SEMA4D: variants seen among roughly 807,000 people sequenced by gnomAD.
The protein encoded by SEMA4D is semaphorin-4D.
A neutral mutation model predicts 74.8 loss-of-function variants in SEMA4D; 22 were observed. The ratio of observed to expected loss-of-function variants is 0.29; its 90% confidence interval spans 0.21 to 0.42. The LOEUF is 0.42. SEMA4D is among the 10% of genes least tolerant of loss of function. The probability of loss-of-function intolerance (pLI) is 1.00; values close to 1 mark genes in which losing one functional copy is unlikely to be tolerated. For missense variants in SEMA4D, 937 were observed against 1,118.4 expected, an observed-to-expected ratio of 0.84 and a Z score of 2.31; for synonymous variants, 445 against 463.7, an observed-to-expected ratio of 0.96 and a Z score of 0.52.
intron 2 of SEMA4D, among the ~76,000 whole-genome samples, chr9:89,447,655 G>T (rs541241103): frequency 6.6e-6 from 1 of 152,222 alleles, no homozygotes; most frequent in Non-Finnish European, 1.5e-5. Context: ...GCCTAACCGG[G>T]TGCCCGACAC....
intron 2 of SEMA4D, among the ~76,000 whole-genome samples, chr9:89,447,693 G>T (rs575818013): frequency 7.2e-5 from 11 of 151,886 alleles, no homozygotes; most frequent in Non-Finnish European, 1.3e-4. Context: ...TTCCCCAGAA[G>T]CCAGGGGTCT....
At chr9:89,425,669 G>A (rs1037358482) in intron 2 of SEMA4D, among the ~76,000 whole-genome samples, 3 of 152,208 alleles carry the variant, frequency 2.0e-5, no homozygotes, top group African/African-American at 7.2e-5. Context: ...CTGACCCTGT[G>A]GCCCCACTGG....
chr9:89,466,375 A>G (rs1238562855), intron 1 of SEMA4D, among the ~76,000 whole-genome samples: 1 of 152,144 alleles, frequency 6.6e-6, no homozygotes, highest in African/African-American at 2.4e-5. Flanking sequence ...CTAAGAATCC[A>G]CAACCTTAGA....
At chr9:89,480,623 TG>T (rs530251156) in intron 1 of SEMA4D, among the ~76,000 whole-genome samples, 7 of 152,210 alleles carry the variant, frequency 4.6e-5, no homozygotes, top group Non-Finnish European at 7.3e-5. Flanking sequence ...CCAGCACTGC[TG>T]GGGGACTCAG....
chr9:89,371,974 G>T (rs200675130), intron 16 of SEMA4D, among the ~76,000 whole-genome samples: 194 of 5,912 alleles, frequency 0.033, no homozygotes, highest in South Asian at 0.051. Context: ...GTGGGGTGTG[G>T]TGTGTGTCTG....
At chr9:89,457,270 CTG>C (rs1856172206) in intron 1 of SEMA4D, among the ~76,000 whole-genome samples, 1 of 152,212 alleles carries the variant, frequency 6.6e-6, no homozygotes, top group African/African-American at 2.4e-5. Context: ...GTGCACCTGA[CTG>C]TGACGCTCGG....
In SEMA4D at chr9:89,453,830, C is replaced by T. The variant is rs575263706; in HGVS notation, c.-244+2058G>A. Among the ~76,000 whole-genome samples, 9 of 151,396 alleles carry T rather than the reference C, an allele frequency of 5.9e-5. 1 individual carries two copies. In the South Asian group the frequency reaches 1.7e-3, roughly 28 times the overall value. Reference sequence around the variant, plus strand: ...CCCTTAAAAGTTATTTTTGCTTCTACTTCAACCCAAGTTGTAGAATATATG... The same window carrying T: ...CCCTTAAAAGTTATTTTTGCTTCTATTTCAACCCAAGTTGTAGAATATATG... On this transcript the variant is annotated intron_variant, in intron 2 of 15. Transcript: ENST00000422704.
chr9:89,378,384 C>G lies in SEMA4D; in HGVS notation c.*320G>C. 3.6e-6 allele frequency: 1 copy of G among 275,020 alleles called. No homozygotes were observed. Among genetic ancestry groups the G allele is most frequent in the South Asian group, 6.8e-5 (1 of 14,776 alleles). 17.0% of individuals were successfully genotyped at this position (275,020 alleles called of 1,614,324 possible). On this transcript the variant is annotated 3_prime_UTR_variant, in exon 16 of 16. Transcript: ENST00000422704. ...CTGAAGGGATGCTCTTCTCAGCCAA[C>G]AGAGGTCCAGCCACCTTTCCCCCAC...
chr9:89,452,189 T>TTG (rs1854732541), intron 2 of SEMA4D, among the ~76,000 whole-genome samples: 1 of 149,656 alleles, frequency 6.7e-6, no homozygotes, highest in Non-Finnish European at 1.5e-5. Flanking sequence ...TTTGTTTTTT[T>TTG]TTTTTTTGAG....
At chr9:89,419,001 C>T (rs1370716504) in intron 2 of SEMA4D, among the ~76,000 whole-genome samples, 2 of 149,576 alleles carry the variant, frequency 1.3e-5, no homozygotes, top group African/African-American at 2.5e-5. Context: ...CCCACCCAGG[C>T]CCCTCACTGG....
downstream of SEMA4D, chr9:89,376,584 ATATC>A: frequency 2.2e-6 from 1 of 464,162 alleles, no homozygotes; most frequent in Non-Finnish European, 3.8e-6. Context: ...CAAGGCCTAA[ATATC>A]TAGCCCTTTA....
intron 1 of SEMA4D, 73 bp from the exon 2 acceptor site, chr9:89,456,026 C>T (rs920773208): frequency 2.0e-5 from 3 of 152,320 alleles, no homozygotes; most frequent in Non-Finnish European, 4.4e-5. Context: ...TACATACACA[C>T]AATTCCATAC....
chr9:89,376,614 G>A (rs866319123), downstream of SEMA4D: 15 of 585,508 alleles, frequency 2.6e-5, no homozygotes, highest in South Asian at 4.7e-4. Context: ...AACACTGGTT[G>A]ACCCCTGTAC....
chr9:89,400,769 CG>C (rs1478570368), intron 4 of SEMA4D, among the ~76,000 whole-genome samples: 1 of 149,668 alleles, frequency 6.7e-6, no homozygotes, highest in Non-Finnish European at 1.5e-5. Flanking sequence ...TGATGCTTGG[CG>C]GGGGTCTCTT....
intron 2 of SEMA4D, among the ~76,000 whole-genome samples, chr9:89,441,327 G>A (rs977443537): frequency 2.6e-5 from 4 of 152,258 alleles, no homozygotes; most frequent in African/African-American, 9.6e-5. Flanking sequence ...TTCGCGTGGT[G>A]GACGGGCCAT....
At chr9:89,478,920 C>T (rs558956267) in intron 1 of SEMA4D, among the ~76,000 whole-genome samples, 2 of 152,286 alleles carry the variant, frequency 1.3e-5, no homozygotes, top group Admixed American at 6.5e-5. Context: ...GGAGCCTCAG[C>T]GGGCCCCAGC....
chr9:89,491,506 G>A (rs1162617236), intron 1 of SEMA4D, among the ~76,000 whole-genome samples: 1 of 152,178 alleles, frequency 6.6e-6, no homozygotes, highest in Admixed American at 6.5e-5. Context: ...CGAGGCAGAG[G>A]TTGCAGTGAG....
chr9:89,372,328 AGGT>A (rs1414088019), downstream of SEMA4D, among the ~76,000 whole-genome samples: 2 of 37,872 alleles, frequency 5.3e-5, no homozygotes, highest in Non-Finnish European at 9.2e-5. Flanking sequence ...GTGGTGTCTG[AGGT>A]GTGTGTGGGG....
chr9:89,371,379 A>ATGTGTGTCTGGGGTGTGG (rs1182397655), intron 16 of SEMA4D, among the ~76,000 whole-genome samples: 6 of 35,738 alleles, frequency 1.7e-4, no homozygotes, highest in Non-Finnish European at 3.0e-4. Context: ...GGGGTGTGGC[A>ATGTGTGTCTGGGGTGTGG]TGTGTGTCTG....
Sources: gnomAD v4.1 joint callset for allele counts (sites outside exome capture counted in the v4.1 genomes callset) on GRCh38, gnomAD v4.1.1 for gene constraint, MANE v1.5 for transcripts, NCBI Gene and HGNC (gene_info 2026-07-23, HGNC 2026-07-21) for gene names.